Variants in STAG1 observed in about 807,000 individuals in gnomAD.
STAG1 encodes cohesin subunit SA-1.
A neutral mutation model predicts 170.9 loss-of-function variants in STAG1; 26 were observed. The ratio of observed to expected loss-of-function variants is 0.15; its 90% CI spans 0.11 to 0.21. The LOEUF is 0.21. Ranked by LOEUF, STAG1 falls within the 10% of genes least tolerant of loss-of-function variation. The pLI, the probability that STAG1 is intolerant of heterozygous loss-of-function variation, is 1.00. For missense variants in STAG1, 964 were observed against 1,509.5 expected, an observed-to-expected ratio of 0.64 and a Z score of 5.99; for synonymous variants, 514 against 497.7, an observed-to-expected ratio of 1.03 and a Z score of -0.44.
At chr3:136,382,696 C>G (rs534297613) in intron 22 of STAG1, among the ~76,000 whole-genome samples, 2 of 152,230 alleles carry the variant, frequency 1.3e-5, no homozygotes, top group African/African-American at 4.8e-5. Context: ...GAGGCATGAG[C>G]CACCACGCCT....
chr3:136,578,444 C>CT (rs759169624), intron 4 of STAG1, among the ~76,000 whole-genome samples: 3 of 152,216 alleles, frequency 2.0e-5, no homozygotes, highest in Non-Finnish European at 4.4e-5. Flanking sequence ...AGGCAGAAAT[C>CT]TAACTTGTGG....
chr3:136,505,338 T>C (rs922682718), intron 7 of STAG1, among the ~76,000 whole-genome samples: 2 of 152,212 alleles, frequency 1.3e-5, no homozygotes, highest in Non-Finnish European at 2.9e-5. Flanking sequence ...TATGTTCTAG[T>C]ACAGTGGTAC....
intron 9 of STAG1, among the ~76,000 whole-genome samples, chr3:136,494,008 C>T (rs1932932740): frequency 6.6e-6 from 1 of 152,148 alleles, no homozygotes; most frequent in African/African-American, 2.4e-5. Context: ...CAGTGGCTCA[C>T]ACCTATAATC....
At chr3:136,751,366 C>G (rs1037031388) in intron 1 of STAG1, among the ~76,000 whole-genome samples, 6 of 152,138 alleles carry the variant, frequency 3.9e-5, no homozygotes, top group Non-Finnish European at 7.3e-5. Context: ...GAACCCAGTT[C>G]GGACCCTGCA....
intron 1 of STAG1, among the ~76,000 whole-genome samples, chr3:136,677,930 A>ATATATTATATATTATATTTTATATATG (rs1942180513): frequency 6.8e-6 from 1 of 147,244 alleles, no homozygotes; most frequent in Non-Finnish European, 1.5e-5. Context: ...GTACTTTGAT[A>ATATATTATATATTATATTTTATATATG]TATATTATAT....
chr3:136,465,310 C>A (rs1308828457), intron 12 of STAG1, among the ~76,000 whole-genome samples: 7 of 148,958 alleles, frequency 4.7e-5, no homozygotes, highest in African/African-American at 1.7e-4. Context: ...ACCTCTGCCT[C>A]CCGGGTTCAA....
intron 5 of STAG1, among the ~76,000 whole-genome samples, chr3:136,556,152 T>C (rs928105990): frequency 6.6e-6 from 1 of 152,208 alleles, no homozygotes; most frequent in Non-Finnish European, 1.5e-5. Flanking sequence ...CCATTACTTA[T>C]AATGAAATTT....
intron 22 of STAG1, among the ~76,000 whole-genome samples, chr3:136,398,034 C>T (rs1005929909): frequency 6.6e-6 from 1 of 152,024 alleles, no homozygotes; most frequent in African/African-American, 2.4e-5. Flanking sequence ...GCAACCTCTG[C>T]CTCCTGGGTT....
At chr3:136,574,067 C>G (rs1461746033) in intron 4 of STAG1, among the ~76,000 whole-genome samples, 1 of 152,034 alleles carries the variant, frequency 6.6e-6, no homozygotes, top group East Asian at 1.9e-4. Flanking sequence ...ACGGTGAAAT[C>G]CCATTCTACT....
chr3:136,630,788 C>T (rs1035773143), intron 2 of STAG1, 82 bp downstream of exon 2: 11 of 973,576 alleles, frequency 1.1e-5, no homozygotes, highest in African/African-American at 3.3e-5. Context: ...AATGTATCAT[C>T]GAAGAGAGCA....
rs1335273989 is a variant in STAG1, at chr3:136,421,111, C to T, written c.2090G>A (p.Arg697Gln). Residue 697 changes from arginine to glutamine, a missense_variant, in exon 20 of 34, where the codon CGG becomes CAG. Transcript: ENST00000383202. ...AACGTACTTGTGAAAAGAAGTTAAC[C>T]GCTTTAATGTAGAAAGAACATTGTA... The part of the protein sequence containing the change: ...DIYNVLSTLK[R>Q]LTSFHNAHDL... 3 of 1,602,348 alleles carry T rather than the reference C, an allele frequency of 1.9e-6. No individual in the cohort carries two copies. The highest frequency in any genetic ancestry group is 2.6e-6 in the Non-Finnish European group (3 of 1,174,646).
At chr3:136,610,891 C>A (rs1200297073) in intron 3 of STAG1, among the ~76,000 whole-genome samples, 1 of 152,130 alleles carries the variant, frequency 6.6e-6, no homozygotes, top group African/African-American at 2.4e-5. Flanking sequence ...CCTTTCTCTT[C>A]CCCTTCTCAG....
At chr3:136,663,796 T>C (rs556163048) in intron 1 of STAG1, among the ~76,000 whole-genome samples, 10 of 151,922 alleles carry the variant, frequency 6.6e-5, no homozygotes, top group Non-Finnish European at 1.3e-4. Context: ...ATCATAAACA[T>C]ATGGAAGGAA....
At chr3:136,447,541 CTTG>C (rs2088817856) in intron 14 of STAG1, among the ~76,000 whole-genome samples, 1 of 144,508 alleles carries the variant, frequency 6.9e-6, no homozygotes, top group Admixed American at 6.9e-5. Context: ...CTGGGTTGTT[CTTG>C]TTGTTTTGAA....
chr3:136,465,029 T>C (rs537586994), intron 12 of STAG1, 41 bp from the exon 13 acceptor site: 3 of 1,421,284 alleles, frequency 2.1e-6, no homozygotes, highest in Non-Finnish European at 2.9e-6. Context: ...AAAGCAAATG[T>C]TTATTTTCCT....
At chr3:136,353,602 TC>T (rs1490089707) in intron 28 of STAG1, among the ~76,000 whole-genome samples, 2 of 152,164 alleles carry the variant, frequency 1.3e-5, no homozygotes, top group East Asian at 3.9e-4. Context: ...CAAACGAGAA[TC>T]TTACATCGCT....
At chr3:136,454,072 C>A (rs1456634228) in intron 13 of STAG1, among the ~76,000 whole-genome samples, 2 of 152,028 alleles carry the variant, frequency 1.3e-5, no homozygotes, top group African/African-American at 4.8e-5. Context: ...ATATGAATAT[C>A]CCTGATAACT....
chr3:136,619,979 C>G (rs1939773766), intron 3 of STAG1, among the ~76,000 whole-genome samples: 1 of 151,794 alleles, frequency 6.6e-6, no homozygotes, highest in African/African-American at 2.4e-5. Flanking sequence ...GGTGGGAGAA[C>G]TGTTTGAGCC....
intron 6 of STAG1, among the ~76,000 whole-genome samples, chr3:136,528,504 C>A (rs549970132): frequency 1.4e-5 from 2 of 143,996 alleles, no homozygotes; most frequent in Non-Finnish European, 3.0e-5. Context: ...ACCCCCCCCC[C>A]CAAAAAATCA....
Sources: allele counts gnomAD v4.1 joint callset (sites outside exome capture counted in the v4.1 genomes callset), GRCh38; gene constraint gnomAD v4.1.1; transcripts MANE v1.5; gene names NCBI Gene and HGNC (gene_info 2026-07-23, HGNC 2026-07-21).